Variants in RHEB observed in about 807,000 individuals in gnomAD.
RHEB encodes Ras homolog, mTORC1 binding.
In RHEB, 2 loss-of-function variants were observed where a neutral mutation model predicts 28.8. That is an observed-to-expected ratio of 0.07 (90% confidence interval 0.03 to 0.22). The LOEUF (loss-of-function observed/expected upper bound fraction) is 0.22. RHEB is among the 10% of genes least tolerant of loss of function. The probability of loss-of-function intolerance (pLI) is 1.00; values close to 1 mark genes in which losing one functional copy is unlikely to be tolerated. For synonymous variants in RHEB, 69 were observed against 77.3 expected, an observed-to-expected ratio of 0.89 and a Z score of 0.56; for missense variants, 76 against 219.9, an observed-to-expected ratio of 0.35 and a Z score of 4.14.
intron 1 of RHEB, chr7:151,502,363 T>C (rs1802788102): frequency 2.4e-6 from 2 of 823,140 alleles, no homozygotes; most frequent in Non-Finnish European, 2.2e-6. Context: ...GAACTGCATC[T>C]AACATTAAGG....
chr7:151,511,203 T>A (rs1331867182), intron 1 of RHEB, among the ~76,000 whole-genome samples: 5 of 152,340 alleles, frequency 3.3e-5, no homozygotes, highest in Admixed American at 6.5e-5. Context: ...AAGCCCATAT[T>A]TGCATCCCCA....
rs186437448 is a variant in RHEB at position 151,493,366 on chromosome 7, A to G, written c.53-2352T>C. On this transcript the variant is annotated intron_variant, in intron 1 of 7. Transcript: ENST00000262187. ...TCTTTGTCATTCTGATCTGAGCTCA[A>G]ATGTTAGTTTCACAGAGAAACCTTC... Among the ~76,000 whole-genome samples, 3 of 152,232 alleles carry G rather than the reference A, an allele frequency of 2.0e-5. No individual in the cohort carries two copies. In the East Asian group the frequency reaches 5.8e-4, roughly 29 times the overall value.
At chr7:151,470,787 T>A in intron 6 of RHEB, 135 bp from the exon 7 acceptor site, 1 of 603,234 alleles carries the variant, frequency 1.7e-6, no homozygotes, top group Non-Finnish European at 2.9e-6. Flanking sequence ...GGCCTAACAT[T>A]AGCATCAAGA....
At chr7:151,513,103 C>T (rs547545525) in intron 1 of RHEB, among the ~76,000 whole-genome samples, 2 of 152,214 alleles carry the variant, frequency 1.3e-5, no homozygotes, top group Admixed American at 1.3e-4. Context: ...CCTTTGGTAC[C>T]TGTCTTTTTA....
At chr7:151,507,981 A>T (rs1274306230) in intron 1 of RHEB, among the ~76,000 whole-genome samples, 1 of 152,220 alleles carries the variant, frequency 6.6e-6, no homozygotes, top group Non-Finnish European at 1.5e-5. Flanking sequence ...TCAAAACAGG[A>T]TATTCATCTC....
intron 1 of RHEB, among the ~76,000 whole-genome samples, chr7:151,491,732 G>A: frequency 8.5e-6 from 1 of 117,974 alleles, no homozygotes; most frequent in East Asian, 2.3e-4. Context: ...GCAAGACCCT[G>A]TGTCAAAAAA....
At chr7:151,476,823 C>T (rs868758840) in intron 4 of RHEB, among the ~76,000 whole-genome samples, 6 of 152,102 alleles carry the variant, frequency 3.9e-5, no homozygotes, top group Non-Finnish European at 7.3e-5. Flanking sequence ...TGCCATCCCC[C>T]GATAAGAGGA....
intron 1 of RHEB, among the ~76,000 whole-genome samples, chr7:151,491,405 T>C (rs546354850): frequency 2.6e-5 from 4 of 152,344 alleles, no homozygotes; most frequent in African/African-American, 9.6e-5. Context: ...TTCATTCATA[T>C]ATGACGGTTA....
chr7:151,484,957 A>G (rs1321373402), intron 2 of RHEB, among the ~76,000 whole-genome samples, 153 bp from the exon 3 acceptor site: 1 of 152,208 alleles, frequency 6.6e-6, no homozygotes, highest in Non-Finnish European at 1.5e-5. Context: ...TGACTTGTAT[A>G]GATTCTCCCC....
intron 1 of RHEB, among the ~76,000 whole-genome samples, chr7:151,509,658 C>T (rs936397898): frequency 1.3e-5 from 2 of 152,306 alleles, no homozygotes; most frequent in South Asian, 4.1e-4. Flanking sequence ...AAGCCAGGAT[C>T]AGCACACTAC....
In RHEB at chr7:151,496,928, G is replaced by T. The variant is rs371169822; in HGVS notation, c.53-5914C>A. The stretch of plus-strand genomic sequence containing the variant: ...CCAAGTAGCTGGGACTACAGGCACC[G>T]ACCACCACACTCGGCTATTTTTTTT... On this transcript the variant is annotated intron_variant, in intron 1 of 7. Coordinates refer to ENST00000262187, the MANE Select transcript of RHEB (RefSeq NM_005614.4). 1.1e-4 allele frequency among the ~76,000 whole-genome samples: 16 copies of T among 150,314 alleles called. No homozygotes were observed. The East Asian group carries it at 2.5e-3, about 24-fold the overall frequency.
At chr7:151,514,207 C>A (rs1803037452) in intron 1 of RHEB, among the ~76,000 whole-genome samples, 1 of 152,142 alleles carries the variant, frequency 6.6e-6, no homozygotes, top group Non-Finnish European at 1.5e-5. Context: ...TCCCTCACAT[C>A]ATATACAAAT....
At chr7:151,485,251 A>G (rs1475832837) in intron 2 of RHEB, among the ~76,000 whole-genome samples, 1 of 152,246 alleles carries the variant, frequency 6.6e-6, no homozygotes, top group Non-Finnish European at 1.5e-5. Flanking sequence ...CTTTTAGTAC[A>G]TAAAAGAAGT....
chr7:151,516,042 T>TTTTAA (rs951905412), intron 1 of RHEB, among the ~76,000 whole-genome samples: 1 of 110,326 alleles, frequency 9.1e-6, no homozygotes, highest in Non-Finnish European at 2.1e-5. Flanking sequence ...AACACTACCA[T>TTTTAA]TTTAAGTTGA....
intron 1 of RHEB, among the ~76,000 whole-genome samples, chr7:151,516,175 G>C (rs936124610): frequency 2.0e-5 from 3 of 152,166 alleles, no homozygotes; most frequent in Non-Finnish European, 4.4e-5. Context: ...GACTCCCAGA[G>C]TTATAGGTGA....
chr7:151,518,370 G>A (rs1176028651), intron 1 of RHEB, among the ~76,000 whole-genome samples: 1 of 152,124 alleles, frequency 6.6e-6, no homozygotes, highest in East Asian at 1.9e-4. Context: ...ATGACAGATA[G>A]TCACCCCGTT....
intron 3 of RHEB, among the ~76,000 whole-genome samples, chr7:151,480,930 C>G (rs550426356): frequency 6.6e-6 from 1 of 152,138 alleles, no homozygotes; most frequent in African/African-American, 2.4e-5. Flanking sequence ...GTGATCCACC[C>G]GCCTTGGCCT....
Position 151,475,187 on chromosome 7 carries a change from T to A in RHEB, c.275+2146A>T, listed in dbSNP as rs945854344. ...TTCATATTTTTAATCCAGCTCAATGTATTTTTCAATTTCCCCAGTGGCACA... is the reference window on the plus strand; with the variant it reads ...TTCATATTTTTAATCCAGCTCAATGAATTTTTCAATTTCCCCAGTGGCACA... On this transcript the variant is annotated intron_variant, in intron 4 of 7. Transcript: ENST00000262187. Among the ~76,000 whole-genome samples the A allele has an allele frequency of 1.7e-4, 26 of 152,340 alleles. 1 individual carries two copies. Among genetic ancestry groups the A allele is most frequent in the Admixed American group, 1.7e-3 (26 of 15,304 alleles).
intron 1 of RHEB, among the ~76,000 whole-genome samples, chr7:151,495,722 C>T (rs188666636): frequency 4.4e-4 from 67 of 152,140 alleles, no homozygotes; most frequent in African/African-American, 1.5e-3. Flanking sequence ...AGGCTGAGGC[C>T]GGTGGATTGC....
Sources: allele counts gnomAD v4.1 joint callset (sites outside exome capture counted in the v4.1 genomes callset), GRCh38; gene constraint gnomAD v4.1.1; transcripts MANE v1.5; gene names NCBI Gene and HGNC (gene_info 2026-07-23, HGNC 2026-07-21).